Variants in KLF12 observed in about 807,000 individuals in gnomAD.
The protein encoded by KLF12 is Krueppel-like factor 12.
Under a neutral mutation model 37.8 loss-of-function variants are expected in KLF12, and 9 were observed. The ratio of observed to expected loss-of-function variants is 0.24; its 90% confidence interval spans 0.14 to 0.42. KLF12 has a LOEUF of 0.42. KLF12 is among the 10% of genes least tolerant of loss of function. The pLI is 1.00. For synonymous variants in KLF12, 208 were observed against 202.1 expected, an observed-to-expected ratio of 1.03 and a Z score of -0.25; for missense variants, 411 against 516.0, an observed-to-expected ratio of 0.80 and a Z score of 1.97.
the KLF12 span, among the ~76,000 whole-genome samples, chr13:74,218,615 G>A: frequency 6.3e-4 from 96 of 152,260 alleles, no homozygotes; most frequent in African/African-American, 1.9e-3. Flanking sequence ...GGCTCCTTGG[G>A]GGAATAGATA....
At chr13:74,014,091 A>C (rs1419240533) in intron 1 of KLF12, among the ~76,000 whole-genome samples, 1 of 152,182 alleles carries the variant, frequency 6.6e-6, no homozygotes, top group Non-Finnish European at 1.5e-5. Context: ...CTTTTAAACT[A>C]ACTCTGAAAA....
chr13:73,847,215 G>C (rs1026763889), intron 3 of KLF12, among the ~76,000 whole-genome samples: 1 of 151,986 alleles, frequency 6.6e-6, no homozygotes, highest in African/African-American at 2.4e-5. Context: ...TCCCCAAATG[G>C]CATAAGAGTA....
chr13:73,908,187 G>T (rs535636215), intron 3 of KLF12, among the ~76,000 whole-genome samples: 28 of 152,118 alleles, frequency 1.8e-4, no homozygotes, highest in South Asian at 1.7e-3. Context: ...TGGATCACGA[G>T]TTCAGGAGAT....
chr13:73,833,678 A>C (rs1162348710), intron 4 of KLF12, among the ~76,000 whole-genome samples: 1 of 152,166 alleles, frequency 6.6e-6, no homozygotes, highest in Non-Finnish European at 1.5e-5. Context: ...CTTTTGTCAG[A>C]GAAAGAAAAG....
the KLF12 span, among the ~76,000 whole-genome samples, chr13:74,212,247 A>G: frequency 2.6e-5 from 4 of 152,342 alleles, no homozygotes; most frequent in Admixed American, 2.0e-4. Context: ...AATCACATTT[A>G]GAATATAATT....
chr13:74,296,632 G>C, the KLF12 span, among the ~76,000 whole-genome samples: 1 of 152,122 alleles, frequency 6.6e-6, no homozygotes, highest in Admixed American at 6.5e-5. Flanking sequence ...TCTTATTCCT[G>C]AAAGAAAACT....
chr13:73,869,573 T>C lies in KLF12; in HGVS notation c.124-23200A>G, dbSNP rs1042482141. Reference sequence around the variant, plus strand: ...CAGTCCCCTTATCTTTGATTTCTCCTAGATTTTCTATAATTATTCTGCAAG... The same window carrying C: ...CAGTCCCCTTATCTTTGATTTCTCCCAGATTTTCTATAATTATTCTGCAAG... On this transcript the variant is annotated intron_variant, in intron 3 of 7. Transcript: ENST00000377669. 1.2e-4 allele frequency among the ~76,000 whole-genome samples: 19 copies of C among 152,222 alleles called. No individual in the cohort carries two copies. The East Asian group carries it at 2.5e-3, about 20-fold the overall frequency.
intron 1 of KLF12, among the ~76,000 whole-genome samples, chr13:74,115,079 G>GT (rs1328306267): frequency 3.3e-5 from 5 of 152,148 alleles, no homozygotes; most frequent in Non-Finnish European, 5.9e-5. Flanking sequence ...GGTGCCAAAA[G>GT]GGTTTGGGGA....
chr13:73,724,442 T>C (rs1876511923), intron 6 of KLF12, among the ~76,000 whole-genome samples: 1 of 152,184 alleles, frequency 6.6e-6, no homozygotes, highest in South Asian at 2.1e-4. Context: ...GGTAGGATTA[T>C]ATAAATCAGA....
intron 1 of KLF12, among the ~76,000 whole-genome samples, chr13:74,045,396 C>A (rs1276030488): frequency 6.6e-6 from 1 of 152,018 alleles, no homozygotes; most frequent in Non-Finnish European, 1.5e-5. Context: ...ACAAAATACC[C>A]GACGAGCACA....
Position 73,839,260 on chromosome 13 carries a change from T to TA in KLF12, c.670+6566_670+6567insT, listed in dbSNP as rs1555312732. Among the ~76,000 whole-genome samples, 388 of 130,276 alleles carry TA rather than the reference T, an allele frequency of 3.0e-3. 1 individual carries two copies. The highest frequency in any genetic ancestry group is 5.6e-3 in the African/African-American group (167 of 29,912). The allele number at this position is 130,276 out of a possible 152,430, so 85.5% of individuals were successfully genotyped here. On this transcript the variant is annotated intron_variant, in intron 4 of 7. Coordinates refer to ENST00000377669, the MANE Select transcript of KLF12 (RefSeq NM_007249.5). ...GGTGCTTACCACCATACCTGGTTAT[T>TA]TTTTTTTTTTTTTTGTATTTTTGGT...
chr13:74,164,361 T>G, the KLF12 span, among the ~76,000 whole-genome samples: 1 of 152,356 alleles, frequency 6.6e-6, no homozygotes, highest in East Asian at 1.9e-4. Context: ...ATTCTAATAT[T>G]TGTGCATTTA....
At chr13:74,008,250 A>G (rs1250016544) in intron 1 of KLF12, among the ~76,000 whole-genome samples, 1 of 152,234 alleles carries the variant, frequency 6.6e-6, no homozygotes, top group African/African-American at 2.4e-5. Context: ...TGCCCAAATT[A>G]TAGAGCAATG....
the KLF12 span, among the ~76,000 whole-genome samples, chr13:74,234,619 CA>C: frequency 1.3e-5 from 2 of 151,852 alleles, no homozygotes; most frequent in Non-Finnish European, 2.9e-5. Flanking sequence ...GGTATTGGAG[CA>C]AAGGAAAAGT....
intron 3 of KLF12, among the ~76,000 whole-genome samples, chr13:73,855,929 T>C (rs1885586508): frequency 2.6e-5 from 4 of 152,196 alleles, no homozygotes; most frequent in African/African-American, 9.7e-5. Context: ...GCTTTTGTCT[T>C]CCAGGTAAAG....
chr13:74,089,896 T>G (rs752212879), intron 1 of KLF12, among the ~76,000 whole-genome samples: 8 of 150,836 alleles, frequency 5.3e-5, no homozygotes, highest in Non-Finnish European at 1.2e-4. Context: ...AAAATACTCA[T>G]GTCTGCTCTC....
intron 3 of KLF12, among the ~76,000 whole-genome samples, chr13:73,868,334 G>T (rs1453153199): frequency 1.5e-5 from 2 of 129,412 alleles, no homozygotes; most frequent in Non-Finnish European, 1.7e-5. Flanking sequence ...CGGTGGGGGG[G>T]GGGGGTGATT....
chr13:73,774,314 A>ATATG (rs905272204), intron 5 of KLF12, among the ~76,000 whole-genome samples: 2 of 151,482 alleles, frequency 1.3e-5, no homozygotes, highest in African/African-American at 4.8e-5. Flanking sequence ...CTATATATAT[A>ATATG]TATATATAGA....
the KLF12 span, among the ~76,000 whole-genome samples, chr13:74,195,331 T>C: frequency 6.6e-6 from 1 of 152,146 alleles, no homozygotes. Flanking sequence ...CAGGAAAATA[T>C]TGAAATCACA....
Sources: gnomAD v4.1 joint callset for allele counts (sites outside exome capture counted in the v4.1 genomes callset) on GRCh38, gnomAD v4.1.1 for gene constraint, MANE v1.5 for transcripts, NCBI Gene and HGNC (gene_info 2026-07-23, HGNC 2026-07-21) for gene names.